The following ZNF536 variants were observed in gnomAD, a reference collection of about 807,000 sequenced individuals.
The protein encoded by ZNF536 is zinc finger protein 536.
A neutral mutation model predicts 84.5 loss-of-function variants in ZNF536; 13 were observed. The ratio of observed to expected loss-of-function variants is 0.15; its 90% CI spans 0.10 to 0.24. ZNF536 has a LOEUF of 0.24. Among genes scored for constraint, ZNF536 ranks in the 10% least tolerant of loss-of-function variants. The probability of loss-of-function intolerance (pLI) is 1.00; values close to 1 mark genes in which losing one functional copy is unlikely to be tolerated. For missense variants in ZNF536, 1,536 were observed against 1,747.5 expected, an observed-to-expected ratio of 0.88 and a Z score of 2.16; for synonymous variants, 811 against 742.5, an observed-to-expected ratio of 1.09 and a Z score of -1.50.
chr19:30,357,280 T>C (rs1306597849), intron 3 of ZNF536, among the ~76,000 whole-genome samples: 1 of 152,116 alleles, frequency 6.6e-6, no homozygotes, highest in Non-Finnish European at 1.5e-5. Context: ...GGTGAAGTTC[T>C]GGGAAGAGCA....
intron 1 of ZNF536, among the ~76,000 whole-genome samples, chr19:30,580,438 T>G (rs994012044): frequency 6.6e-6 from 1 of 152,176 alleles, no homozygotes; most frequent in Admixed American, 6.5e-5. Context: ...TCAGCACAAC[T>G]GTGGTCAGGT....
chr19:30,619,970 G>T (rs1392480039), intron 1 of ZNF536, among the ~76,000 whole-genome samples: 1 of 150,002 alleles, frequency 6.7e-6, no homozygotes, highest in African/African-American at 2.4e-5. Flanking sequence ...GTATTTTGTT[G>T]TATCTTACTT....
At chr19:30,664,692 G>A (rs1390405811) in intron 1 of ZNF536, among the ~76,000 whole-genome samples, 1 of 151,328 alleles carries the variant, frequency 6.6e-6, no homozygotes, top group Non-Finnish European at 1.5e-5. Flanking sequence ...ATAGTGGTGA[G>A]AATCGGGGAG....
chr19:30,370,414 C>T (rs560058911), upstream of ZNF536, among the ~76,000 whole-genome samples: 11 of 152,220 alleles, frequency 7.2e-5, no homozygotes, highest in Non-Finnish European at 1.2e-4. Context: ...GGAACCAATG[C>T]GCCATAAACA....
At chr19:30,242,038 G>A (rs2023974768) in intron 1 of ZNF536, among the ~76,000 whole-genome samples, 1 of 152,132 alleles carries the variant, frequency 6.6e-6, no homozygotes, top group Non-Finnish European at 1.5e-5. Flanking sequence ...AGTTGGGGCT[G>A]CCCTCTCTGC....
chr19:30,285,229 C>T (rs991807021), intron 2 of ZNF536, among the ~76,000 whole-genome samples: 10 of 152,180 alleles, frequency 6.6e-5, no homozygotes, highest in African/African-American at 2.4e-4. Flanking sequence ...GACAGGATTA[C>T]TATTTTTCAA....
rs77111337 is a variant in ZNF536, at chr19:30,596,005, A to C, written c.169+46491A>C. 3.0e-3 allele frequency among the ~76,000 whole-genome samples: 453 copies of C among 152,286 alleles called. 3 individuals carry two copies. Among genetic ancestry groups the C allele is most frequent in the African/African-American group, 9.9e-3 (410 of 41,554 alleles). On this transcript the variant is annotated intron_variant, in intron 1 of 1. Transcript: ENST00000592773. ...GAAGCCCCCATGGACCCCTCACTTT[A>C]AGGCTCCAAGAGCATCCAAAAGGGT...
At chr19:30,347,094 C>T (rs554716098) in intron 2 of ZNF536, among the ~76,000 whole-genome samples, 10 of 140,040 alleles carry the variant, frequency 7.1e-5, no homozygotes, top group South Asian at 7.1e-4. Context: ...TAATGATCAG[C>T]GATGTTGAAG....
intron 1 of ZNF536, among the ~76,000 whole-genome samples, chr19:30,662,372 T>A (rs1162835694): frequency 6.6e-6 from 1 of 152,186 alleles, no homozygotes; most frequent in Non-Finnish European, 1.5e-5. Context: ...TTAAGAACAG[T>A]CATTTTGCAC....
At chr19:30,585,149 A>C (rs376365022) in intron 1 of ZNF536, among the ~76,000 whole-genome samples, 8 of 152,170 alleles carry the variant, frequency 5.3e-5, no homozygotes, top group African/African-American at 1.9e-4. Context: ...GAAGAAAAGA[A>C]GATACAGTCT....
At chr19:30,414,298 T>C (rs2050621631) in intron 1 of ZNF536, among the ~76,000 whole-genome samples, 1 of 152,148 alleles carries the variant, frequency 6.6e-6, no homozygotes, top group South Asian at 2.1e-4. Context: ...GGTGGGCATA[T>C]ATTTAACCTA....
chr19:30,643,411 T>C (rs1299813601), intron 1 of ZNF536, among the ~76,000 whole-genome samples: 1 of 152,192 alleles, frequency 6.6e-6, no homozygotes, highest in African/African-American at 2.4e-5. Flanking sequence ...TGGTGGAACA[T>C]TTATACAAGT....
At chr19:30,603,864 T>C (rs925397890) in intron 1 of ZNF536, among the ~76,000 whole-genome samples, 3 of 151,416 alleles carry the variant, frequency 2.0e-5, no homozygotes, top group African/African-American at 7.3e-5. Context: ...CCTAGGGGGG[T>C]GGATCACCTG....
rs1293420258 is a variant in ZNF536, at chr19:30,269,560, G to GT, written c.-189-14511dup. Among the ~76,000 whole-genome samples the GT allele has an allele frequency of 1.3e-3, 194 of 152,306 alleles. 1 individual carries two copies. Among genetic ancestry groups the GT allele is most frequent in the Non-Finnish European group, 2.6e-4 (18 of 68,012 alleles). ...CATGGTTGGGGTTGCTTTTGAGGCA[G>GT]TAAGTCAGGTGGATTATCTATAGGA... On this transcript the variant is annotated intron_variant, in intron 1 of 5. Coordinates refer to the ZNF536 transcript ENST00000585628.
Position 30,700,201 on chromosome 19 carries a change from C to CTTCCTTCT in ZNF536, c.170-10553_170-10552insCTTCTTTC, listed in dbSNP as rs1400524271. Among the ~76,000 whole-genome samples the CTTCCTTCT allele has an allele frequency of 2.1e-3, 176 of 82,740 alleles. 1 individual carries two copies. The highest frequency in any genetic ancestry group is 6.1e-3 in the African/African-American group (146 of 24,034). 54.3% of individuals were successfully genotyped at this position (82,740 alleles called of 152,430 possible). A position where few individuals can be genotyped will look rare whatever the true frequency, so the allele number is the denominator to read the frequency against. On this transcript the variant is annotated intron_variant, in intron 1 of 1. Transcript: ENST00000592773. ...TTTCTTTTCTTTCCTTCTTTCTTTC[C>CTTCCTTCT]TTCTTTCTTTCCTTCTTTCTTTCTT... is the stretch of plus-strand genomic sequence containing the variant.
At chr19:30,395,239 A>C (rs1158068829) in intron 1 of ZNF536, among the ~76,000 whole-genome samples, 2 of 152,234 alleles carry the variant, frequency 1.3e-5, no homozygotes, top group African/African-American at 4.8e-5. Flanking sequence ...CTCTAAAATC[A>C]GATAGTCTAC....
chr19:30,372,351 G>A (rs2048639528), upstream of ZNF536: 1 of 152,254 alleles, frequency 6.6e-6, no homozygotes. Context: ...CCTGCTGGGA[G>A]CCGCCCCTGG....
intron 1 of ZNF536, among the ~76,000 whole-genome samples, chr19:30,403,985 C>T (rs1279994223): frequency 6.6e-6 from 1 of 151,468 alleles, no homozygotes; most frequent in Non-Finnish European, 1.5e-5. Flanking sequence ...CTTCAGCATT[C>T]CCCTCTACAT....
At chr19:30,399,271 T>C (rs2049949368) in intron 1 of ZNF536, among the ~76,000 whole-genome samples, 1 of 152,218 alleles carries the variant, frequency 6.6e-6, no homozygotes, top group Non-Finnish European at 1.5e-5. Context: ...GTTGTTTTTT[T>C]TTCTTGTAAT....
Sources: allele counts gnomAD v4.1 joint callset (sites outside exome capture counted in the v4.1 genomes callset), GRCh38; gene constraint gnomAD v4.1.1; transcripts MANE v1.5; gene names NCBI Gene and HGNC (gene_info 2026-07-23, HGNC 2026-07-21).